Variants in CNTNAP2 observed in about 807,000 individuals in gnomAD.
The protein encoded by CNTNAP2 is contactin associated protein 2.
Under a neutral mutation model 155.2 loss-of-function variants are expected in CNTNAP2, and 98 were observed. That is an observed-to-expected ratio of 0.63 (90% CI 0.54 to 0.75). The LOEUF is 0.75. Among genes scored for constraint, CNTNAP2 ranks in the 30% least tolerant of loss-of-function variants. The pLI is 0.00. For synonymous variants in CNTNAP2, 651 were observed against 631.2 expected (o/e 1.03, Z -0.47); for missense variants, 1,727 against 1,688.1 (o/e 1.02, Z -0.40).
chr7:146,303,583 G>A (rs922139827), intron 1 of CNTNAP2, among the ~76,000 whole-genome samples: 1 of 152,118 alleles, frequency 6.6e-6, no homozygotes, highest in Non-Finnish European at 1.5e-5. Context: ...GCAGTTTTGA[G>A]TGAGTTTCTT....
At chr7:146,218,248 G>A (rs922022447) in intron 1 of CNTNAP2, among the ~76,000 whole-genome samples, 2 of 152,134 alleles carry the variant, frequency 1.3e-5, no homozygotes, top group Non-Finnish European at 2.9e-5. Context: ...GGTGGCTCAC[G>A]CCTGTAATCC....
At chr7:147,126,006 C>T (rs560297406) in intron 6 of CNTNAP2, among the ~76,000 whole-genome samples, 2 of 152,286 alleles carry the variant, frequency 1.3e-5, no homozygotes, top group South Asian at 4.1e-4. Context: ...TTTCACTTTG[C>T]ACTTCAGCTA....
chr7:148,209,325 G>C lies in CNTNAP2; in HGVS notation c.3011-7963G>C, dbSNP rs1385564203. On this transcript the variant is annotated intron_variant, in intron 18 of 23. Transcript: ENST00000361727. ...TTTTTTTTTTTTTTTTTAGCGACAGGGTCCCCCTATGTTGTCCAGGCCAGT... is the reference window on the plus strand; with the variant it reads ...TTTTTTTTTTTTTTTTTAGCGACAGCGTCCCCCTATGTTGTCCAGGCCAGT... Among the ~76,000 whole-genome samples the C allele has an allele frequency of 6.1e-5, 9 of 147,222 alleles. No individual in the cohort carries two copies. In the East Asian group the frequency reaches 1.8e-3, roughly 29 times the overall value.
chr7:146,934,953 G>C (rs898772823), intron 3 of CNTNAP2, among the ~76,000 whole-genome samples: 4 of 152,176 alleles, frequency 2.6e-5, no homozygotes, highest in Non-Finnish European at 4.4e-5. Context: ...AAAGTTTAGA[G>C]GAATGTATAG....
intron 1 of CNTNAP2, among the ~76,000 whole-genome samples, chr7:146,533,587 C>T (rs767093105): frequency 2.6e-5 from 4 of 152,228 alleles, no homozygotes; most frequent in Middle Eastern, 3.4e-3. Context: ...TTTGCTGGAA[C>T]ATGATAAGAT....
At chr7:148,208,440 G>C (rs1795490261) in intron 18 of CNTNAP2, among the ~76,000 whole-genome samples, 1 of 152,162 alleles carries the variant, frequency 6.6e-6, no homozygotes, top group Non-Finnish European at 1.5e-5. Flanking sequence ...AGTGAGTATA[G>C]AGTGTGATGG....
chr7:147,221,065 C>T (rs954017140), intron 8 of CNTNAP2, among the ~76,000 whole-genome samples: 2 of 151,766 alleles, frequency 1.3e-5, no homozygotes, highest in Admixed American at 1.3e-4. Flanking sequence ...TTGCAATATG[C>T]ATTTATATAT....
chr7:147,084,840 A>G (rs1319915272), intron 4 of CNTNAP2, among the ~76,000 whole-genome samples: 1 of 148,606 alleles, frequency 6.7e-6, no homozygotes, highest in African/African-American at 2.5e-5. Context: ...TATATATGCT[A>G]TGTATAGGCA....
At chr7:146,143,769 A>T (rs534868054) in intron 1 of CNTNAP2, among the ~76,000 whole-genome samples, 85 of 148,430 alleles carry the variant, frequency 5.7e-4, no homozygotes, top group African/African-American at 2.0e-3. Context: ...ATTCTAATTT[A>T]TTTTTTTTTT....
At chr7:146,149,905 T>G (rs1309491912) in intron 1 of CNTNAP2, among the ~76,000 whole-genome samples, 2 of 134,126 alleles carry the variant, frequency 1.5e-5, no homozygotes, top group East Asian at 4.3e-4. Flanking sequence ...AAAAGACCAG[T>G]CAGGCTTCAT....
At chr7:147,314,881 A>G (rs1795198043) in intron 9 of CNTNAP2, among the ~76,000 whole-genome samples, 1 of 151,222 alleles carries the variant, frequency 6.6e-6, no homozygotes, top group South Asian at 2.1e-4. Context: ...AAAAAATTCA[A>G]TTGGGCTTTA....
At chr7:146,663,277 C>CAAAAAAAAAAAAAAAAAAAA (rs543257224) in intron 1 of CNTNAP2, among the ~76,000 whole-genome samples, 5 of 33,176 alleles carry the variant, frequency 1.5e-4, no homozygotes, top group African/African-American at 2.3e-4. Context: ...AACTCCATCT[C>CAAAAAAAAAAAAAAAAAAAA]AAAAAAAAAA....
intron 3 of CNTNAP2, among the ~76,000 whole-genome samples, chr7:147,011,035 A>G (rs1049274883): frequency 1.3e-5 from 2 of 152,038 alleles, no homozygotes; most frequent in Non-Finnish European, 2.9e-5. Flanking sequence ...ATTTCTGCCA[A>G]AATACCTACC....
chr7:146,748,147 T>C (rs1482463309), intron 1 of CNTNAP2, among the ~76,000 whole-genome samples: 12 of 140,178 alleles, frequency 8.6e-5, no homozygotes, highest in Non-Finnish European at 7.7e-5. Flanking sequence ...TCTTTTCTTT[T>C]TTTTTTTTTT....
intron 13 of CNTNAP2, among the ~76,000 whole-genome samples, chr7:147,682,867 G>C (rs1481184572): frequency 1.3e-4 from 19 of 151,808 alleles, no homozygotes; most frequent in Non-Finnish European, 4.4e-5. Flanking sequence ...AGGTTTTTTG[G>C]GTTTGGCTTC....
intron 3 of CNTNAP2, among the ~76,000 whole-genome samples, chr7:146,862,466 T>C (rs1795122186): frequency 6.6e-6 from 1 of 152,074 alleles, no homozygotes. Context: ...CAAATGTCCA[T>C]CCTATGACAT....
At chr7:148,290,866 G>A (rs1479528854) in intron 21 of CNTNAP2, among the ~76,000 whole-genome samples, 2 of 152,132 alleles carry the variant, frequency 1.3e-5, no homozygotes, top group Non-Finnish European at 2.9e-5. Flanking sequence ...ACCATCAATC[G>A]TTAAGTACAG....
At chr7:146,327,131 C>T (rs1801110901) in intron 1 of CNTNAP2, among the ~76,000 whole-genome samples, 1 of 151,736 alleles carries the variant, frequency 6.6e-6, no homozygotes, top group Non-Finnish European at 1.5e-5. Context: ...TCACTAATTC[C>T]CTAAACTTAA....
In CNTNAP2 at chr7:147,929,186, T is replaced by C. The variant is rs547503898; in HGVS notation, c.2255+25465T>C. ...TGCTCTTATTGATCATGTGTGTCCA[T>C]AGAGGCAAGATAGAGCAGTCAAATT... On this transcript the variant is annotated intron_variant, in intron 14 of 23. Transcript: ENST00000361727. Among the ~76,000 whole-genome samples, 503 of 150,186 alleles carry C rather than the reference T, an allele frequency of 3.3e-3. 6 individuals carry two copies. The highest frequency in any genetic ancestry group is 3.6e-3 in the Non-Finnish European group (246 of 67,658).
Sources: allele counts gnomAD v4.1 joint callset (sites outside exome capture counted in the v4.1 genomes callset), GRCh38; gene constraint gnomAD v4.1.1; transcripts MANE v1.5; gene names NCBI Gene and HGNC (gene_info 2026-07-23, HGNC 2026-07-21).